Variants in THAP4 observed in about 807,000 individuals in gnomAD.
THAP4 encodes THAP domain containing 4, also known as peroxynitrite isomerase THAP4.
Under a neutral mutation model 48.1 loss-of-function variants are expected in THAP4, and 18 were observed. The ratio of observed to expected loss-of-function variants is 0.37; its 90% CI spans 0.26 to 0.56. The LOEUF (loss-of-function observed/expected upper bound fraction) is 0.56. Among genes scored for constraint, THAP4 ranks in the 20% least tolerant of loss-of-function variants. The pLI is 0.78. For synonymous variants in THAP4, 345 were observed against 324.9 expected, an observed-to-expected ratio of 1.06 and a Z score of -0.66; for missense variants, 656 against 774.9, an observed-to-expected ratio of 0.85 and a Z score of 1.82.
chr2:241,610,532 A>G lies in THAP4; in HGVS notation c.1241-4059T>C, dbSNP rs6710306. ...CAAGAGCAGAGGCGGGAGCCTCGCC[A>G]GCCCCTCCACAGACCACAGCGACCG... On this transcript the variant is annotated intron_variant, in intron 2 of 5. Transcript: ENST00000407315. This position sits in a 1 kb window ranked among gnomAD's most constrained non-coding sequence, Gnocchi z 4.2. 6.5e-3 allele frequency among the ~76,000 whole-genome samples: 991 copies of G among 152,252 alleles called. 17 individuals are homozygous for G. Among genetic ancestry groups the G allele is most frequent in the African/African-American group, 0.023 (940 of 41,546 alleles).
intron 5 of THAP4, among the ~76,000 whole-genome samples, chr2:241,586,262 G>GAAAAA (rs11320455): frequency 2.4e-5 from 2 of 83,986 alleles, no homozygotes; most frequent in Non-Finnish European, 4.6e-5. Flanking sequence ...ATCTGAAGAG[G>GAAAAA]AAAAAAAAAA....
intron 3 of THAP4, among the ~76,000 whole-genome samples, chr2:241,605,863 A>G (rs377669389): frequency 2.7e-4 from 41 of 152,120 alleles, no homozygotes; most frequent in African/African-American, 9.6e-4. Flanking sequence ...GACTACAGGC[A>G]TGTGTCACCA....
At chr2:241,614,877 G>A (rs1265988426) in intron 2 of THAP4, among the ~76,000 whole-genome samples, 1 of 152,028 alleles carries the variant, frequency 6.6e-6, no homozygotes, top group African/African-American at 2.4e-5. Flanking sequence ...TGACAAGAGC[G>A]AAACTCCATC....
At chr2:241,602,154 T>G in intron 4 of THAP4, 155 bp from the exon 5 acceptor site, 1 of 702,404 alleles carries the variant, frequency 1.4e-6, no homozygotes. Context: ...CTTCACCCTG[T>G]GGATACGGAG....
rs773094806 is a variant in THAP4 at position 241,637,036 on chromosome 2, C to A, written c.-19G>T. The A allele has an allele frequency of 8.8e-6, 11 of 1,243,796 alleles. No homozygotes were observed. Among genetic ancestry groups the A allele is most frequent in the Non-Finnish European group, 1.0e-5 (10 of 969,256 alleles). The allele number at this position is 1,243,796 out of a possible 1,614,324, so 77.0% of individuals were successfully genotyped here. ...TCACCATCGCGGGCCTTGGCCCAGC[C>A]GCGCAGCCAGGCCCCGGCCCTAGCC... On this transcript the variant is annotated 5_prime_UTR_variant, in exon 1 of 6. Coordinates refer to ENST00000407315, the MANE Select transcript of THAP4 (RefSeq NM_015963.6).
chr2:241,611,720 T>C, intron 2 of THAP4, among the ~76,000 whole-genome samples: 1 of 118,528 alleles, frequency 8.4e-6, no homozygotes, highest in Non-Finnish European at 1.7e-5. Context: ...TGAGACTCTG[T>C]CTCCAAAAAA....
intron 5 of THAP4, among the ~76,000 whole-genome samples, chr2:241,587,334 G>A (rs1321324027): frequency 6.6e-6 from 1 of 152,126 alleles, no homozygotes; most frequent in African/African-American, 2.4e-5. Context: ...GACACCTCCA[G>A]GCCCCCCGAC....
chr2:241,625,851 C>T (rs926937975), intron 2 of THAP4, among the ~76,000 whole-genome samples: 7 of 145,710 alleles, frequency 4.8e-5, no homozygotes, highest in South Asian at 2.2e-4. Context: ...AGACAAATAT[C>T]TCTCATGAAC....
At chr2:241,625,670 C>T (rs1483927575) in intron 2 of THAP4, among the ~76,000 whole-genome samples, 7 of 150,378 alleles carry the variant, frequency 4.7e-5, no homozygotes, top group Non-Finnish European at 1.0e-4. Flanking sequence ...TCATGGCGGG[C>T]GCCTGTGGTC....
rs766516203 is a variant in THAP4, at chr2:241,632,927, C to T, written c.1230G>A (p.Ser410=). 5.1e-5 allele frequency: 82 copies of T among 1,598,942 alleles called. No individual in the cohort carries two copies. In the Admixed American group the frequency reaches 5.4e-4, roughly 10 times the overall value. The change falls in exon 2 of 6, where the codon TCG becomes TCA. Residue 410 remains serine, a synonymous_variant. Coordinates refer to ENST00000407315, the MANE Select transcript of THAP4 (RefSeq NM_015963.6). ...VSVPYPSSLL[S]PSREPPKMNP... ...GGCTCCGGTACTGACCGCGGCTGGG[C>T]GACAGCAGGCTACTTGGATAGGGGA...
intron 5 of THAP4, among the ~76,000 whole-genome samples, chr2:241,597,738 T>C (rs2067066664): frequency 1.3e-5 from 2 of 152,136 alleles, no homozygotes; most frequent in Admixed American, 1.3e-4. Context: ...GTCAACCCAA[T>C]GGGGAGGCCC....
rs1039794867 is a variant in THAP4 at position 241,625,901 on chromosome 2, T to TA, written c.1240+7015dup. 9.1e-5 allele frequency among the ~76,000 whole-genome samples: 13 copies of TA among 143,284 alleles called. No homozygotes were observed. In the East Asian group the frequency reaches 2.2e-3, roughly 24 times the overall value. 94.0% of individuals were successfully genotyped at this position (143,284 alleles called of 152,430 possible). A position where few individuals can be genotyped will look rare whatever the true frequency, so the allele number is the denominator to read the frequency against. On this transcript the variant is annotated intron_variant, in intron 2 of 5. Coordinates refer to ENST00000407315, the MANE Select transcript of THAP4 (RefSeq NM_015963.6). ...CTCTAAGAAAACATTTGCGATTGAA[T>TA]AAAAAAAATGTATAAAAAGAATTAT...
At chr2:241,599,224 C>G (rs1272016479) in intron 5 of THAP4, among the ~76,000 whole-genome samples, 2 of 150,822 alleles carry the variant, frequency 1.3e-5, no homozygotes, top group East Asian at 3.9e-4. Flanking sequence ...TGCATTCCAG[C>G]CTGGGCAACA....
At chr2:241,627,110 T>TG (rs1452984384) in intron 2 of THAP4, among the ~76,000 whole-genome samples, 1 of 152,204 alleles carries the variant, frequency 6.6e-6, no homozygotes, top group Non-Finnish European at 1.5e-5. Context: ...CCCCCTGCCC[T>TG]GTTCCCCTAT....
intron 5 of THAP4, among the ~76,000 whole-genome samples, chr2:241,589,220 AAAAAG>A (rs2066926980): frequency 6.6e-6 from 1 of 151,586 alleles, no homozygotes. Flanking sequence ...CTCAAAAAAA[AAAAAG>A]AAAAAGAAAA....
At position 241,601,881 on chromosome 2, in the gene THAP4, C is replaced by T. The variant is rs1214495907; in HGVS notation, c.1614+15G>A. Reference sequence around the variant, plus strand: ...ACAGAAGACAGGAGCGTGCTGGGAGCAGGGCTGGGCTCACCTGCTCTACGT... The same window carrying T: ...ACAGAAGACAGGAGCGTGCTGGGAGTAGGGCTGGGCTCACCTGCTCTACGT... On this transcript the variant is annotated intron_variant, in intron 5 of 5. Coordinates refer to ENST00000407315, the MANE Select transcript of THAP4 (RefSeq NM_015963.6). The surrounding 1 kb of genome is among the most constrained non-coding windows in gnomAD (Gnocchi z 4.0). 2 of 1,613,574 alleles carry T rather than the reference C, an allele frequency of 1.2e-6. No individual in the cohort carries two copies.
chr2:241,634,952 T>A (rs550354074), intron 1 of THAP4, among the ~76,000 whole-genome samples: 50 of 152,182 alleles, frequency 3.3e-4, no homozygotes, highest in African/African-American at 1.2e-3. Context: ...ATCAAATTCA[T>A]AGAGACAGGA....
At chr2:241,636,649 G>C (rs1382210273) in intron 1 of THAP4, among the ~76,000 whole-genome samples, 1 of 152,184 alleles carries the variant, frequency 6.6e-6, no homozygotes, top group Non-Finnish European at 1.5e-5. Flanking sequence ...AGGACAATCG[G>C]CCCAGGACCT....
At chr2:241,620,031 T>G (rs1424012947) in intron 2 of THAP4, among the ~76,000 whole-genome samples, 1 of 30,736 alleles carries the variant, frequency 3.3e-5, no homozygotes, top group African/African-American at 1.4e-4. Flanking sequence ...AGGGGTGAGT[T>G]GGTGAGTGAG....
Sources: allele counts gnomAD v4.1 joint callset (sites outside exome capture counted in the v4.1 genomes callset), GRCh38; gene constraint gnomAD v4.1.1; non-coding constraint Gnocchi (gnomAD v3.1); transcripts MANE v1.5; gene names NCBI Gene and HGNC (gene_info 2026-07-23, HGNC 2026-07-21).